Variants in CFAP46 observed in about 807,000 individuals in gnomAD.
CFAP46 encodes the protein cilia- and flagella-associated protein 46.
In CFAP46, 245 loss-of-function variants were observed where a neutral mutation model predicts 325.7. The ratio of observed to expected loss-of-function variants is 0.75; its 90% CI spans 0.68 to 0.84. The LOEUF (loss-of-function observed/expected upper bound fraction) is 0.84, where lower values mean the gene tolerates loss of function less well. Among genes scored for constraint, CFAP46 ranks in the 40% least tolerant of loss-of-function variants. The pLI is 0.00. For synonymous variants in CFAP46, 1,523 were observed against 1,495.9 expected (o/e 1.02, Z -0.42); for missense variants, 3,346 against 3,543.0 (o/e 0.94, Z 1.41).
At chr10:132,913,866 C>T (rs1246956619) in intron 17 of CFAP46, among the ~76,000 whole-genome samples, 2 of 151,928 alleles carry the variant, frequency 1.3e-5, no homozygotes, top group African/African-American at 4.8e-5. Context: ...CGCGCTCCAC[C>T]TGAAGCCTGG....
chr10:132,861,428 G>A (rs1195475769), intron 35 of CFAP46, among the ~76,000 whole-genome samples: 3 of 152,254 alleles, frequency 2.0e-5, no homozygotes, highest in South Asian at 2.1e-4. Flanking sequence ...AGGAAACTTC[G>A]TCCCCGGAGC....
At chr10:132,906,506 G>A (rs190736060) in intron 22 of CFAP46, among the ~76,000 whole-genome samples, 179 of 143,802 alleles carry the variant, frequency 1.2e-3, no homozygotes, top group African/African-American at 2.6e-3. Flanking sequence ...GTCCTGGCGC[G>A]TGATGCCCCA....
chr10:132,851,638 C>G (rs921284634), intron 39 of CFAP46, among the ~76,000 whole-genome samples: 2 of 152,248 alleles, frequency 1.3e-5, no homozygotes, highest in African/African-American at 4.8e-5. Flanking sequence ...CCGTCTGGTT[C>G]ATTTTCCTCG....
chr10:132,882,861 C>T (rs542222680), intron 27 of CFAP46, among the ~76,000 whole-genome samples: 10 of 152,078 alleles, frequency 6.6e-5, no homozygotes, highest in South Asian at 4.2e-4. Context: ...GCTGTGTACG[C>T]GGGGGAGGGC....
Position 132,934,231 on chromosome 10 carries a change from C to T in CFAP46, c.866+521G>A, listed in dbSNP as rs1460462296. The stretch of plus-strand genomic sequence containing the variant: ...AGTGCTACTAAGGAGGTGACAAAAT[C>T]GCTCCAGGGGCAGGGGACAAACCCC... On this transcript the variant is annotated intron_variant, in intron 8 of 57. Coordinates refer to ENST00000368586, the MANE Select transcript of CFAP46 (RefSeq NM_001200049.3). 4.3e-4 allele frequency among the ~76,000 whole-genome samples: 66 copies of T among 152,206 alleles called. 1 individual carries two copies. The highest frequency in any genetic ancestry group is 4.3e-3 in the Admixed American group (66 of 15,280).
At chr10:132,881,377 T>C (rs1396843817) in intron 27 of CFAP46, among the ~76,000 whole-genome samples, 2 of 152,120 alleles carry the variant, frequency 1.3e-5, no homozygotes, top group Non-Finnish European at 2.9e-5. Flanking sequence ...CTGCTGTCGC[T>C]CTGTCTGCAG....
At chr10:132,938,559 G>C in intron 5 of CFAP46, 30 bp downstream of exon 5, 1 of 1,604,896 alleles carries the variant, frequency 6.2e-7, no homozygotes. Context: ...CCACCGGGAG[G>C]CCACAGAGGG....
intron 50 of CFAP46, among the ~76,000 whole-genome samples, chr10:132,823,429 ATGTGTGCTG>A (rs1194673195): frequency 9.8e-6 from 1 of 102,510 alleles, no homozygotes; most frequent in Non-Finnish European, 1.9e-5. Flanking sequence ...GTGAGTGCTG[ATGTGTGCTG>A]TGTGTGCTGA....
rs771148385 is a variant in CFAP46 at position 132,887,274 on chromosome 10, CCT to C, written c.3305-1317_3305-1316del. Among the ~76,000 whole-genome samples the C allele has an allele frequency of 1.5e-3, 170 of 113,834 alleles. 3 individuals are homozygous for C. The highest frequency in any genetic ancestry group is 6.0e-3 in the African/African-American group (143 of 24,028). The allele number at this position is 113,834 out of a possible 152,430, so 74.7% of individuals were successfully genotyped here. On this transcript the variant is annotated intron_variant, in intron 25 of 57. Transcript: ENST00000368586. ...CCTCTCTCGCTTCTCTCTCTCCTCT[CCT>C]CTCTCCTCCCCTCTTCTTTCCTCTC...
At chr10:132,833,219 G>A in intron 50 of CFAP46, 139 bp downstream of exon 50, 1 of 856,508 alleles carries the variant, frequency 1.2e-6, no homozygotes, top group South Asian at 1.8e-5. Flanking sequence ...AAATATCTTT[G>A]AATGAATAAA....
intron 44 of CFAP46, among the ~76,000 whole-genome samples, chr10:132,845,780 C>T (rs1848423716): frequency 6.6e-6 from 1 of 152,222 alleles, no homozygotes; most frequent in African/African-American, 2.4e-5. Context: ...TGCTGGTCAG[C>T]TCTTGGCTGC....
chr10:132,893,223 C>T (rs993142924), intron 24 of CFAP46, among the ~76,000 whole-genome samples: 1 of 152,204 alleles, frequency 6.6e-6, no homozygotes, highest in African/African-American at 2.4e-5. Context: ...CGGCCCCTCC[C>T]AAGTGCAGGC....
At chr10:132,930,841 T>C in intron 8 of CFAP46, among the ~76,000 whole-genome samples, 1 of 56,798 alleles carries the variant, frequency 1.8e-5, no homozygotes. Context: ...TTCCCCACAC[T>C]CCTCACACAG....
At position 132,812,874 on chromosome 10, in the gene CFAP46, A is replaced by G; in HGVS notation, c.7412T>C (p.Leu2471Pro). The G allele has an allele frequency of 2.5e-6, 4 of 1,609,518 alleles. No individual in the cohort carries two copies. The highest frequency in any genetic ancestry group is 3.4e-6 in the Non-Finnish European group (4 of 1,179,788). The change falls in exon 55 of 58, where the codon CTG becomes CCG. Residue 2471 changes from leucine to proline, a missense_variant. Leu to Pro is a moderately conservative substitution (Grantham distance 98). Coordinates refer to ENST00000368586, the MANE Select transcript of CFAP46 (RefSeq NM_001200049.3). Reference protein sequence around the residue: ...FPSQAQWEQALGSCSGFFFYG... With the variant: ...FPSQAQWEQAPGSCSGFFFYG... ...GAAGAAGAAACCGCTGCAGCTGCCC[A>G]GGGCCTGCTCCCACTGGGCCTGGCT...
At position 132,908,521 on chromosome 10, in the gene CFAP46, G is replaced by A; in HGVS notation, c.2871C>T (p.Ala957=). 1 of 1,550,552 alleles carries A rather than the reference G, an allele frequency of 6.4e-7. No homozygotes were observed. Among genetic ancestry groups the A allele is most frequent in the East Asian group, 2.4e-5 (1 of 40,924 alleles). Residue 957 remains alanine (A), a synonymous_variant, in exon 22 of 58, where the codon GCC becomes GCT. Coordinates refer to ENST00000368586, the MANE Select transcript of CFAP46 (RefSeq NM_001200049.3). ...HAARDHETTM[A]CAHRALEMGI... is the part of the protein sequence containing the mutation. The stretch of plus-strand genomic sequence containing the variant: ...CCATCTCCAGAGCCCTGTGAGCACA[G>A]GCCATGGTGGTCTCATGGTCACGCG...
chr10:132,926,335 C>T (rs1039921270), intron 10 of CFAP46, among the ~76,000 whole-genome samples: 1 of 152,176 alleles, frequency 6.6e-6, no homozygotes, highest in Non-Finnish European at 1.5e-5. Flanking sequence ...TCCCAGCCCC[C>T]ACCTGCACGA....
chr10:132,864,820 CCT>C (rs1308810786), intron 35 of CFAP46, among the ~76,000 whole-genome samples: 13 of 144,934 alleles, frequency 9.0e-5, no homozygotes, highest in African/African-American at 3.1e-4. Context: ...GTCCCCAGTG[CCT>C]GAGACCTGCA....
Position 132,899,132 on chromosome 10 carries a change from G to T in CFAP46, c.3057-11C>A. On this transcript the variant is annotated splice_polypyrimidine_tract_variant and intron_variant, in intron 23 of 57. Coordinates refer to ENST00000368586, the MANE Select transcript of CFAP46 (RefSeq NM_001200049.3). The stretch of plus-strand genomic sequence containing the variant: ...GCGATGCCTCCGAACCTAAAAGAGG[G>T]CAGGTCATGACGCGGTGGCTCCACC... 6.5e-7 allele frequency: 1 copy of T among 1,547,464 alleles called. No homozygotes were observed. Among genetic ancestry groups the T allele is most frequent in the Non-Finnish European group, 8.7e-7 (1 of 1,146,028 alleles).
chr10:132,934,205 C>T (rs1849956250), intron 8 of CFAP46, among the ~76,000 whole-genome samples: 1 of 152,236 alleles, frequency 6.6e-6, no homozygotes, highest in Non-Finnish European at 1.5e-5. Flanking sequence ...AAAATATACA[C>T]AGTGCTACTA....
Sources: gnomAD v4.1 joint callset for allele counts (sites outside exome capture counted in the v4.1 genomes callset) on GRCh38, gnomAD v4.1.1 for gene constraint, MANE v1.5 for transcripts, NCBI Gene and HGNC (gene_info 2026-07-23, HGNC 2026-07-21) for gene names.